Variants in LINGO2 observed in about 807,000 individuals in gnomAD.
LINGO2 encodes leucine-rich repeat and immunoglobulin-like domain-containing nogo receptor-interacting protein 2.
A neutral mutation model predicts 30.6 loss-of-function variants in LINGO2; 14 were observed. The ratio of observed to expected loss-of-function variants is 0.46; its 90% CI spans 0.30 to 0.72. LINGO2 has a LOEUF of 0.72. Among genes scored for constraint, LINGO2 ranks in the 30% least tolerant of loss-of-function variants. LINGO2 has a pLI of 0.07. For synonymous variants in LINGO2, 317 were observed against 288.5 expected (o/e 1.10, Z -1.00); for missense variants, 729 against 751.7 (o/e 0.97, Z 0.35).
chr9:28,345,636 AAGTTTTAAATGAATTTT>A (rs1819536207), intron 3 of LINGO2, among the ~76,000 whole-genome samples: 1 of 152,184 alleles, frequency 6.6e-6, no homozygotes, highest in South Asian at 2.1e-4. Flanking sequence ...GAAGGAAAAC[AAGTTTTAAATGAATTTT>A]AGATTGCCTT....
the LINGO2 span, among the ~76,000 whole-genome samples, chr9:28,855,182 T>C: frequency 6.6e-6 from 1 of 151,966 alleles, no homozygotes; most frequent in South Asian, 2.1e-4. Context: ...AAATACCTGA[T>C]TGCCCTAGTG....
intron 4 of LINGO2, among the ~76,000 whole-genome samples, chr9:28,245,915 C>T (rs2133991545): frequency 6.6e-6 from 1 of 152,164 alleles, no homozygotes; most frequent in South Asian, 2.1e-4. Flanking sequence ...CTACCATTAA[C>T]ATTCTTCACA....
intron 5 of LINGO2, among the ~76,000 whole-genome samples, chr9:28,006,568 G>A (rs1191805264): frequency 6.6e-6 from 1 of 152,012 alleles, no homozygotes; most frequent in Admixed American, 6.6e-5. Flanking sequence ...AGGAAATCTA[G>A]GTTGGCCATG....
intron 4 of LINGO2, among the ~76,000 whole-genome samples, chr9:28,180,435 T>C (rs767520368): frequency 2.0e-5 from 3 of 152,188 alleles, no homozygotes; most frequent in Non-Finnish European, 4.4e-5. Context: ...ACATATTCTA[T>C]CTTCTGTTTT....
At chr9:28,431,029 T>TGAGAGAGAGA (rs57751993) in intron 2 of LINGO2, among the ~76,000 whole-genome samples, 7,421 of 128,894 alleles carry the variant, frequency 0.058, 397 homozygotes, top group Non-Finnish European at 0.066. Flanking sequence ...GCATGAGTGA[T>TGAGAGAGAGA]GAGAGAGAGA....
chr9:28,013,911 C>T (rs1822685958), intron 4 of LINGO2, among the ~76,000 whole-genome samples: 3 of 152,206 alleles, frequency 2.0e-5, no homozygotes, highest in South Asian at 2.1e-4. Context: ...CTTTCATTGC[C>T]GTTATTTTCT....
chr9:28,584,233 C>T (rs550265529), intron 1 of LINGO2, among the ~76,000 whole-genome samples: 1 of 152,032 alleles, frequency 6.6e-6, no homozygotes. Context: ...ATACTGTTCA[C>T]ACTGAGCAAT....
chr9:28,102,275 C>T (rs541377174), intron 4 of LINGO2, among the ~76,000 whole-genome samples: 18 of 151,802 alleles, frequency 1.2e-4, no homozygotes, highest in Non-Finnish European at 2.1e-4. Flanking sequence ...ATCAAAACAG[C>T]CATGTGGGAA....
At chr9:29,134,633 C>G in the LINGO2 span, among the ~76,000 whole-genome samples, 84 of 152,000 alleles carry the variant, frequency 5.5e-4, 1 homozygote, top group African/African-American at 2.0e-3. Flanking sequence ...ATTTCCAATG[C>G]CATTAAACAT....
the LINGO2 span, among the ~76,000 whole-genome samples, chr9:28,781,034 T>C: frequency 6.6e-6 from 1 of 152,174 alleles, no homozygotes; most frequent in East Asian, 1.9e-4. Flanking sequence ...TGTGTTTATA[T>C]ACAGAGTCAT....
At chr9:28,441,343 G>C (rs1824190704) in intron 2 of LINGO2, among the ~76,000 whole-genome samples, 2 of 122,688 alleles carry the variant, frequency 1.6e-5, no homozygotes, top group Non-Finnish European at 3.2e-5. Flanking sequence ...CTAACTTTCA[G>C]TTAAATACAG....
chr9:28,801,656 A>C, the LINGO2 span, among the ~76,000 whole-genome samples: 1 of 152,176 alleles, frequency 6.6e-6, no homozygotes, highest in Admixed American at 6.6e-5. Flanking sequence ...CATGGTGGTA[A>C]ACTCCTTCCA....
chr9:28,106,332 T>A lies in LINGO2; in HGVS notation c.-86-93927A>T, dbSNP rs577958786. On this transcript the variant is annotated intron_variant, in intron 4 of 5. Coordinates refer to ENST00000379992, the Ensembl canonical transcript of LINGO2. ...AATTTAAAGAAGAATCTTCAGAAAA[T>A]TTTTCTCATTTTCTTCCATGTTGGA... Among the ~76,000 whole-genome samples the A allele has an allele frequency of 3.6e-4, 55 of 152,118 alleles. 1 individual carries two copies. The highest frequency in any genetic ancestry group is 8.5e-4 in the Admixed American group (13 of 15,264).
At chr9:28,706,367 T>A in the LINGO2 span, among the ~76,000 whole-genome samples, 9 of 152,122 alleles carry the variant, frequency 5.9e-5, no homozygotes, top group African/African-American at 1.9e-4. Context: ...CAAACATAGT[T>A]TTTAAATCAG....
intron 5 of LINGO2, among the ~76,000 whole-genome samples, chr9:27,998,860 T>A (rs201666456): frequency 6.6e-6 from 1 of 152,044 alleles, no homozygotes; most frequent in Non-Finnish European, 1.5e-5. Context: ...TGCCACAGCA[T>A]GAGAGAGAAG....
chr9:28,289,647 A>G (rs1823645248), intron 4 of LINGO2, among the ~76,000 whole-genome samples: 1 of 152,158 alleles, frequency 6.6e-6, no homozygotes. Flanking sequence ...CCTTTTAAAA[A>G]CCTGTTCTTT....
intron 1 of LINGO2, among the ~76,000 whole-genome samples, chr9:28,592,908 T>A (rs925991683): frequency 2.0e-5 from 3 of 152,086 alleles, no homozygotes; most frequent in African/African-American, 7.2e-5. Flanking sequence ...ATCTATTGGC[T>A]CTCTGCCACG....
At chr9:28,172,032 AAC>A (rs1491089780) in intron 4 of LINGO2, among the ~76,000 whole-genome samples, 20 of 87,544 alleles carry the variant, frequency 2.3e-4, no homozygotes, top group Non-Finnish European at 3.6e-4. Flanking sequence ...AAAAAAAAAA[AAC>A]AAAAAAAAAA....
At chr9:28,757,343 T>C in the LINGO2 span, among the ~76,000 whole-genome samples, 2 of 152,018 alleles carry the variant, frequency 1.3e-5, no homozygotes, top group African/African-American at 2.4e-5. Context: ...ATCCATCTTT[T>C]TGAACCCCTA....
Sources: gnomAD v4.1 joint callset for allele counts (sites outside exome capture counted in the v4.1 genomes callset) on GRCh38, gnomAD v4.1.1 for gene constraint, MANE v1.5 for transcripts, NCBI Gene and HGNC (gene_info 2026-07-23, HGNC 2026-07-21) for gene names.